The following TMEM108 variants were observed in gnomAD, a reference collection of about 807,000 sequenced individuals.
TMEM108 encodes the protein cancer/testis antigen 124.
TMEM108 carries 12 observed loss-of-function variants against 35.1 expected under a neutral mutation model. The observed-to-expected ratio is 0.34, with a 90% CI of 0.22 to 0.55. TMEM108 has a LOEUF of 0.55. Ranked by LOEUF, TMEM108 falls within the 20% of genes least tolerant of loss-of-function variation. The pLI is 0.89. For synonymous variants in TMEM108, 287 were observed against 308.6 expected, an observed-to-expected ratio of 0.93 and a Z score of 0.73; for missense variants, 680 against 753.3, an observed-to-expected ratio of 0.90 and a Z score of 1.14.
intron 3 of TMEM108, among the ~76,000 whole-genome samples, chr3:133,307,978 C>T (rs1401698655): frequency 1.3e-5 from 2 of 152,090 alleles, no homozygotes; most frequent in Non-Finnish European, 2.9e-5. Flanking sequence ...GATATTGATT[C>T]TTCCTGTATA....
chr3:133,228,785 T>G (rs1426734596), intron 2 of TMEM108, among the ~76,000 whole-genome samples: 1 of 152,144 alleles, frequency 6.6e-6, no homozygotes, highest in Non-Finnish European at 1.5e-5. Flanking sequence ...TTCTAAATAA[T>G]CCATACCAGA....
chr3:133,266,916 C>A (rs1271509879), intron 3 of TMEM108, among the ~76,000 whole-genome samples: 162 of 121,286 alleles, frequency 1.3e-3, no homozygotes, highest in Non-Finnish European at 1.5e-3. Flanking sequence ...ACTAAAAATC[C>A]AAAAAAAAAA....
chr3:133,255,948 C>T (rs12637523), intron 3 of TMEM108, among the ~76,000 whole-genome samples: 24,709 of 152,168 alleles, frequency 0.16, 2,419 homozygotes, highest in East Asian at 0.38. Flanking sequence ...GAGATCATGC[C>T]ACTGCACTCC....
In TMEM108 at chr3:133,380,862, A is replaced by G. The variant is rs968426463; in HGVS notation, c.1151A>G (p.Gln384Arg). ...CCTCAGGGAGCATCCACAACCCCAC[A>G]AGCTCCAACCCATCCCTCCAGGGTC... The part of the protein sequence containing the change: ...GIPQGASTTP[Q>R]APTHPSRVSE... Residue 384 changes from glutamine to arginine, a missense_variant, in exon 4 of 6, where the codon CAA becomes CGA. Physicochemically the swap from Gln to Arg is conservative, Grantham distance 43. Around this residue, in one of 3 missense-constraint regions of TMEM108, gnomAD observed 526 missense variants for 532.1 expected, o/e 0.99. Coordinates refer to ENST00000321871, the MANE Select transcript of TMEM108 (RefSeq NM_023943.4). This position sits in a 1 kb window ranked among gnomAD's most constrained non-coding sequence, Gnocchi z 5.3. 1.2e-6 allele frequency: 2 copies of G among 1,613,978 alleles called. No homozygotes were observed. Among genetic ancestry groups the G allele is most frequent in the Non-Finnish European group, 1.7e-6 (2 of 1,179,972 alleles).
At chr3:133,272,832 G>T (rs1325734012) in intron 3 of TMEM108, among the ~76,000 whole-genome samples, 3 of 152,142 alleles carry the variant, frequency 2.0e-5, no homozygotes, top group Admixed American at 1.3e-4. Context: ...AAATGTATGG[G>T]ACCATTTTTG....
chr3:133,247,646 A>AT (rs1396050520), intron 3 of TMEM108: 3 of 142,364 alleles, frequency 2.1e-5, no homozygotes, highest in Admixed American at 6.9e-5. Flanking sequence ...AATCCTAAAA[A>AT]AAAAATAAAA....
At chr3:133,209,456 C>G (rs954786795) in intron 2 of TMEM108, among the ~76,000 whole-genome samples, 9 of 152,100 alleles carry the variant, frequency 5.9e-5, no homozygotes, top group Admixed American at 3.3e-4. Flanking sequence ...GATAGTCTCT[C>G]TCCATGCCAT....
Position 133,200,068 on chromosome 3 carries a change from G to T in TMEM108, c.-46-29198G>T, listed in dbSNP as rs148631263. Among the ~76,000 whole-genome samples, 1,457 of 152,302 alleles carry T rather than the reference G, an allele frequency of 9.6e-3. 24 individuals carry two copies. Among genetic ancestry groups the T allele is most frequent in the African/African-American group, 0.033 (1,364 of 41,560 alleles). On this transcript the variant is annotated intron_variant, in intron 2 of 5. Transcript: ENST00000321871. ...CATGGGCATGGGACCCTCCAAGCCA[G>T]GCACGGGATATAATCTCCTGGTGTG...
At chr3:133,278,959 A>G (rs1946874085) in intron 3 of TMEM108, among the ~76,000 whole-genome samples, 1 of 152,206 alleles carries the variant, frequency 6.6e-6, no homozygotes, top group Admixed American at 6.5e-5. Flanking sequence ...CATACATGAA[A>G]GTTTGAGGAG....
At position 133,048,648 on chromosome 3, in the gene TMEM108, G is replaced by C. The variant is rs541490924; in HGVS notation, c.-47+2628G>C. 3.3e-5 allele frequency among the ~76,000 whole-genome samples: 5 copies of C among 152,290 alleles called. No homozygotes were observed. The South Asian group carries it at 1.0e-3, about 32-fold the overall frequency. ...TCTGGTCCCTGTGATTATTAGACTT[G>C]CTTACAAAGTTTCCAACAAATGCAC... is the stretch of plus-strand genomic sequence containing the variant. On this transcript the variant is annotated intron_variant, in intron 2 of 5. Coordinates refer to ENST00000321871, the MANE Select transcript of TMEM108 (RefSeq NM_023943.4).
chr3:133,251,402 A>T lies in TMEM108; in HGVS notation c.40+22051A>T, dbSNP rs186120055. ...TAAGATAAGGTCTCTAAAGAGTTTC[A>T]TACAGCCAACCAACAGATATTTATT... On this transcript the variant is annotated intron_variant, in intron 3 of 5. Coordinates refer to ENST00000321871, the MANE Select transcript of TMEM108 (RefSeq NM_023943.4). Among the ~76,000 whole-genome samples, 262 of 152,334 alleles carry T rather than the reference A, an allele frequency of 1.7e-3. 1 individual carries two copies. The highest frequency in any genetic ancestry group is 6.1e-3 in the African/African-American group (254 of 41,586).
At chr3:133,126,714 T>C (rs1239440280) in intron 2 of TMEM108, among the ~76,000 whole-genome samples, 2 of 152,176 alleles carry the variant, frequency 1.3e-5, no homozygotes, top group South Asian at 2.1e-4. Context: ...TTGGTATCCA[T>C]GGAGGATTGG....
chr3:133,121,149 C>T (rs1486077110), intron 2 of TMEM108, among the ~76,000 whole-genome samples: 1 of 152,196 alleles, frequency 6.6e-6, no homozygotes, highest in Non-Finnish European at 1.5e-5. Flanking sequence ...ATCTTGGACT[C>T]TTCCCTCAGA....
chr3:133,118,809 G>A (rs999638570), intron 2 of TMEM108, among the ~76,000 whole-genome samples: 1 of 152,132 alleles, frequency 6.6e-6, no homozygotes, highest in African/African-American at 2.4e-5. Context: ...TCAGTTTACC[G>A]TAGGGGGTGT....
At chr3:133,289,467 C>T (rs1456848684) in intron 3 of TMEM108, among the ~76,000 whole-genome samples, 5 of 152,124 alleles carry the variant, frequency 3.3e-5, no homozygotes, top group African/African-American at 1.2e-4. Context: ...ACGTGAACTA[C>T]CATACTAGCT....
chr3:133,281,614 G>A (rs1213299051), intron 3 of TMEM108, among the ~76,000 whole-genome samples: 1 of 152,240 alleles, frequency 6.6e-6, no homozygotes, highest in Non-Finnish European at 1.5e-5. Flanking sequence ...AACGGCAGCT[G>A]GCACACTGGG....
At chr3:133,239,001 A>C (rs1375677739) in intron 3 of TMEM108, among the ~76,000 whole-genome samples, 1 of 152,092 alleles carries the variant, frequency 6.6e-6, no homozygotes, top group Non-Finnish European at 1.5e-5. Flanking sequence ...TGTGTTTTAC[A>C]CTGCTTGGTC....
intron 3 of TMEM108, among the ~76,000 whole-genome samples, chr3:133,252,471 A>G (rs1224335001): frequency 6.6e-6 from 1 of 152,168 alleles, no homozygotes; most frequent in Non-Finnish European, 1.5e-5. Flanking sequence ...CTGCAACTAT[A>G]CATGCACACT....
intron 3 of TMEM108, among the ~76,000 whole-genome samples, chr3:133,260,051 G>A (rs149213993): frequency 6.6e-5 from 10 of 152,316 alleles, no homozygotes; most frequent in African/African-American, 2.2e-4. Flanking sequence ...GGAAACAACC[G>A]TACCAGTTCA....
Sources: gnomAD v4.1 joint callset for allele counts (sites outside exome capture counted in the v4.1 genomes callset) on GRCh38, gnomAD v4.1.1 for gene constraint, gnomAD v4.1.1 regional missense constraint, Gnocchi (gnomAD v3.1) non-coding constraint, MANE v1.5 for transcripts, NCBI Gene and HGNC (gene_info 2026-07-23, HGNC 2026-07-21) for gene names.